The following VLDLR variants were observed in gnomAD, a reference collection of about 807,000 sequenced individuals.
VLDLR encodes the protein very low density lipoprotein receptor, also known as very low-density lipoprotein receptor.
Under a neutral mutation model 112.7 loss-of-function variants are expected in VLDLR, and 81 were observed. That is an observed-to-expected ratio of 0.72 (90% CI 0.60 to 0.86). The LOEUF is 0.86. Ranked by LOEUF, VLDLR falls within the 40% of genes least tolerant of loss-of-function variation. VLDLR has a pLI of 0.00. For missense variants in VLDLR, 1,237 were observed against 1,099.4 expected, an observed-to-expected ratio of 1.13 and a Z score of -1.77; for synonymous variants, 436 against 384.8, an observed-to-expected ratio of 1.13 and a Z score of -1.56.
rs1325048199 is a variant in VLDLR, at chr9:2,622,135, G to T, written c.-55G>T. ...CTTTCGGAAGGACTGGTAACTTGTC[G>T]TGCGGAGCGAACGGCGGCGGCGGCG... On this transcript the variant is annotated 5_prime_UTR_variant, in exon 1 of 19. Transcript: ENST00000382100. The T allele has an allele frequency of 4.9e-6, 7 of 1,427,556 alleles. No homozygotes were observed. In the South Asian group the frequency reaches 8.1e-5, roughly 16 times the overall value. The allele number at this position is 1,427,556 out of a possible 1,614,324, so 88.4% of individuals were successfully genotyped here.
At chr9:2,633,090 T>TGTGG (rs1817442053) in intron 1 of VLDLR, among the ~76,000 whole-genome samples, 1 of 97,988 alleles carries the variant, frequency 1.0e-5, no homozygotes, top group African/African-American at 4.2e-5. Flanking sequence ...GTGTGTGTGG[T>TGTGG]TGAGAGAGAG....
At chr9:2,646,220 T>G (rs571204796) in intron 10 of VLDLR, 114 bp from the exon 11 acceptor site, 3 of 941,412 alleles carry the variant, frequency 3.2e-6, no homozygotes, top group Non-Finnish European at 5.1e-6. Context: ...AGCTGTGGTG[T>G]TAACTGGATT....
At chr9:2,628,477 A>G (rs962526622) in intron 1 of VLDLR, among the ~76,000 whole-genome samples, 1 of 152,160 alleles carries the variant, frequency 6.6e-6, no homozygotes, top group African/African-American at 2.4e-5. Flanking sequence ...CCAATAGGGA[A>G]AAGTCTGAGG....
intron 1 of VLDLR, among the ~76,000 whole-genome samples, chr9:2,629,454 G>C (rs1471675267): frequency 6.6e-6 from 1 of 152,230 alleles, no homozygotes; most frequent in Non-Finnish European, 1.5e-5. Context: ...TCTAGAGCCA[G>C]TGCCTGGGTT....
chr9:2,653,876 G>A lies in VLDLR; in HGVS notation c.*8G>A, dbSNP rs772294761. 8.1e-6 allele frequency: 13 copies of A among 1,613,796 alleles called. No homozygotes were observed. Among genetic ancestry groups the A allele is most frequent in the Admixed American group, 1.7e-5 (1 of 60,002 alleles). On this transcript the variant is annotated 3_prime_UTR_variant, in exon 19 of 19. Coordinates refer to ENST00000382100, the MANE Select transcript of VLDLR (RefSeq NM_003383.5). ...GATGATGATCTAGCTTGACTTCTGT[G>A]ACAAATGTTGACCTTTGAGGTCTAA... is the stretch of plus-strand genomic sequence containing the variant.
chr9:2,641,226 A>G, intron 3 of VLDLR, 151 bp from the exon 4 acceptor site: 1 of 1,217,964 alleles, frequency 8.2e-7, no homozygotes, highest in Non-Finnish European at 1.2e-6. Context: ...GGAGCTGATG[A>G]AAGAGCTCCC....
rs1166245387 is a variant in VLDLR, at chr9:2,654,431, C to T, written c.*563C>T. 1 of 157,710 alleles carries T rather than the reference C, an allele frequency of 6.3e-6. No individual in the cohort carries two copies. The highest frequency in any genetic ancestry group is 1.4e-5 in the Non-Finnish European group (1 of 71,032). The allele number at this position is 157,710 out of a possible 1,614,324, so 9.8% of individuals were successfully genotyped here. On this transcript the variant is annotated 3_prime_UTR_variant, in exon 19 of 19. Transcript: ENST00000382100. ...GGTTTGCAAAGACTGAGTGTTCAAA[C>T]TACTGTACATTTTTTTTCAAGTGCT... is the stretch of plus-strand genomic sequence containing the variant.
intron 1 of VLDLR, among the ~76,000 whole-genome samples, chr9:2,622,618 T>C (rs1378691051): frequency 1.3e-5 from 2 of 152,204 alleles, no homozygotes; most frequent in Non-Finnish European, 2.9e-5. Context: ...TGGTTCTGCC[T>C]CCTCTGCCAG....
intron 4 of VLDLR, 110 bp from the exon 5 acceptor site, chr9:2,643,050 C>A: frequency 1.3e-6 from 2 of 1,531,158 alleles, no homozygotes; most frequent in Non-Finnish European, 1.8e-6. Context: ...TTAAGTTGGG[C>A]TAGTAAGTTA....
rs1300402424 is a variant in VLDLR at position 2,651,917 on chromosome 9, A to G, written c.2379A>G (p.Pro793=). ...TTAVSEVSVP[P]KGTSAAWAIL... Reference sequence around the variant, plus strand: ...CAGTATCAGAGGTCAGTGTTCCCCCAAAAGGGACTTCTGCCGCATGGGCCA... The same window carrying G: ...CAGTATCAGAGGTCAGTGTTCCCCCGAAAGGGACTTCTGCCGCATGGGCCA... Residue 793 remains proline (P), a synonymous_variant, in exon 17 of 19, where the codon CCA becomes CCG. Transcript: ENST00000382100. 1.9e-6 allele frequency: 3 copies of G among 1,614,104 alleles called. No individual in the cohort carries two copies. Among genetic ancestry groups the G allele is most frequent in the East Asian group, 4.5e-5 (2 of 44,874 alleles).
At position 2,641,336 on chromosome 9, in the gene VLDLR, A is replaced by C. The variant is rs372329542; in HGVS notation, c.326-41A>C. ...GCACAGGAGCAGCAGCTTTGCATTGATCAGTTCTGAGGCTCTTTTGAGACT... is the reference window on the plus strand; with the variant it reads ...GCACAGGAGCAGCAGCTTTGCATTGCTCAGTTCTGAGGCTCTTTTGAGACT... On this transcript the variant is annotated intron_variant, in intron 3 of 18. Transcript: ENST00000382100. 6.7e-5 allele frequency: 108 copies of C among 1,613,452 alleles called. 1 individual carries two copies. In the African/African-American group the frequency reaches 1.4e-3, roughly 20 times the overall value.
intron 1 of VLDLR, among the ~76,000 whole-genome samples, chr9:2,633,049 A>AGTGTGT (rs1258054088): frequency 0.01 from 1,114 of 107,036 alleles, 4 homozygotes; most frequent in African/African-American, 0.017. Flanking sequence ...AGAGAGAGAG[A>AGTGTGT]GAGTGTGTGT....
At chr9:2,639,750 C>T in intron 2 of VLDLR, 109 bp from the exon 3 acceptor site, 2 of 1,569,880 alleles carry the variant, frequency 1.3e-6, no homozygotes, top group Non-Finnish European at 1.8e-6. Flanking sequence ...CCCATTGACT[C>T]AGCTTTTTTT....
intron 18 of VLDLR, among the ~76,000 whole-genome samples, chr9:2,653,178 T>G (rs1818430226): frequency 6.6e-6 from 1 of 152,158 alleles, no homozygotes; most frequent in Non-Finnish European, 1.5e-5. Context: ...ACCACTATAT[T>G]AAGATATTTT....
Position 2,655,610 on chromosome 9 carries a change from A to G in VLDLR, c.*1742A>G, listed in dbSNP as rs1228002311. On this transcript the variant is annotated 3_prime_UTR_variant, in exon 19 of 19. Transcript: ENST00000382100. ...TGGCTTAAGCAAGGACATTAATCCTACTAGATGAAGGGGAAGTTGGTTCTG... is the reference window on the plus strand; with the variant it reads ...TGGCTTAAGCAAGGACATTAATCCTGCTAGATGAAGGGGAAGTTGGTTCTG... 6.6e-6 allele frequency: 1 copy of G among 152,186 alleles called. No individual in the cohort carries two copies. Among genetic ancestry groups the G allele is most frequent in the Non-Finnish European group, 1.5e-5 (1 of 68,036 alleles). 9.4% of individuals were successfully genotyped at this position (152,186 alleles called of 1,614,324 possible).
intron 1 of VLDLR, among the ~76,000 whole-genome samples, chr9:2,627,040 G>C (rs537222024): frequency 6.8e-6 from 1 of 147,588 alleles, no homozygotes; most frequent in South Asian, 2.1e-4. Context: ...ATGGCACCAG[G>C]CATGGGGACA....
chr9:2,625,311 C>T (rs897003739), intron 1 of VLDLR, among the ~76,000 whole-genome samples: 4 of 152,174 alleles, frequency 2.6e-5, no homozygotes, highest in African/African-American at 4.8e-5. Flanking sequence ...AGTACCCAGC[C>T]GTGTGGCTTC....
Position 2,652,766 on chromosome 9 carries a change from C to T in VLDLR, c.2417-14C>T. Reference sequence around the variant, plus strand: ...TAGACTTAGCTCACTTAGCTACCCTCTGATTTTTTTCAGTGCTCTTAGTGA... The same window carrying T: ...TAGACTTAGCTCACTTAGCTACCCTTTGATTTTTTTCAGTGCTCTTAGTGA... On this transcript the variant is annotated splice_polypyrimidine_tract_variant and intron_variant, in intron 17 of 18. Transcript: ENST00000382100. The T allele has an allele frequency of 2.5e-6, 4 of 1,614,112 alleles. No individual in the cohort carries two copies. The highest frequency in any genetic ancestry group is 3.4e-6 in the Non-Finnish European group (4 of 1,179,972).
chr9:2,622,819 G>T (rs1187430857), intron 1 of VLDLR, among the ~76,000 whole-genome samples: 1 of 152,096 alleles, frequency 6.6e-6, no homozygotes, highest in Non-Finnish European at 1.5e-5. Context: ...GTGGGCGGCG[G>T]CCGGGAGGCT....
Sources: allele counts gnomAD v4.1 joint callset (sites outside exome capture counted in the v4.1 genomes callset), GRCh38; gene constraint gnomAD v4.1.1; transcripts MANE v1.5; gene names NCBI Gene and HGNC (gene_info 2026-07-23, HGNC 2026-07-21).